HNRNPA1L2: variants seen among roughly 807,000 people sequenced by gnomAD.
The protein encoded by HNRNPA1L2 is heterogeneous nuclear ribonucleoprotein A1-like 2.
A neutral mutation model predicts 18.2 loss-of-function variants in HNRNPA1L2; 10 were observed. That is an observed-to-expected ratio of 0.55 (90% CI 0.34 to 0.93). The LOEUF (loss-of-function observed/expected upper bound fraction) is 0.93. HNRNPA1L2 is among the 40% of genes least tolerant of loss of function. The pLI is 0.02. For missense variants in HNRNPA1L2, 308 were observed against 394.4 expected (o/e 0.78, Z 1.85); for synonymous variants, 124 against 138.6 (o/e 0.89, Z 0.74).
At chr13:52,639,858 A>C (rs1190879827), upstream of HNRNPA1L2, among the ~76,000 whole-genome samples, 2 of 148,322 alleles carry the variant, frequency 1.3e-5, no homozygotes, top group Non-Finnish European at 3.0e-5. Flanking sequence ...CAACTATTTC[A>C]GAGTTAATGT....
the HNRNPA1L2 span, among the ~76,000 whole-genome samples, chr13:52,619,814 G>C: frequency 6.6e-6 from 1 of 151,502 alleles, no homozygotes; most frequent in African/African-American, 2.4e-5. Context: ...CCCGCTACTC[G>C]GGAGGGTGAG....
chr13:52,636,407 T>C, the HNRNPA1L2 span, among the ~76,000 whole-genome samples: 2 of 152,254 alleles, frequency 1.3e-5, no homozygotes, highest in Non-Finnish European at 2.9e-5. Context: ...CTGGTCGGAA[T>C]ATGGCTCATT....
chr13:52,621,949 A>G, the HNRNPA1L2 span: 1 of 154,090 alleles, frequency 6.5e-6, no homozygotes, highest in Non-Finnish European at 1.5e-5. Context: ...ATTAGCCTGC[A>G]TTGTATTTTT....
At chr13:52,629,517 A>G in the HNRNPA1L2 span, among the ~76,000 whole-genome samples, 862 of 152,268 alleles carry the variant, frequency 5.7e-3, 4 homozygotes, top group African/African-American at 0.02. Flanking sequence ...ACCACTTCCT[A>G]GAGAGGGAAC....
chr13:52,634,899 A>T, the HNRNPA1L2 span, among the ~76,000 whole-genome samples: 7 of 152,256 alleles, frequency 4.6e-5, no homozygotes, highest in African/African-American at 7.2e-5. Flanking sequence ...ATCTGAAAAA[A>T]GTGTGAGGCA....
At chr13:52,624,178 G>A in the HNRNPA1L2 span, among the ~76,000 whole-genome samples, 234 of 152,268 alleles carry the variant, frequency 1.5e-3, 2 homozygotes, top group African/African-American at 5.5e-3. Flanking sequence ...GCAGTGGCGC[G>A]GTCTTGGCTC....
chr13:52,639,694 C>CAAAAAAAAAAAAAAAAA (rs10661534), upstream of HNRNPA1L2, among the ~76,000 whole-genome samples: 3 of 73,544 alleles, frequency 4.1e-5, no homozygotes, highest in African/African-American at 1.0e-4. Context: ...GACCCTGTCT[C>CAAAAAAAAAAAAAAAAA]AAAAAAAAAA....
At chr13:52,640,794 C>T (rs596546), upstream of HNRNPA1L2, 1 of 152,252 alleles carries the variant, frequency 6.6e-6, no homozygotes, top group Non-Finnish European at 1.5e-5. Flanking sequence ...TTCATAGTAC[C>T]TTAGTTGGGG....
chr13:52,632,493 A>C, the HNRNPA1L2 span: 4 of 153,472 alleles, frequency 2.6e-5, no homozygotes, highest in Non-Finnish European at 5.9e-5. Flanking sequence ...GCACGTGAAC[A>C]GGTTTGTTAA....
the HNRNPA1L2 span, among the ~76,000 whole-genome samples, chr13:52,624,443 A>G: frequency 2.6e-5 from 4 of 152,202 alleles, no homozygotes; most frequent in East Asian, 5.8e-4. Context: ...CTAGCCTTGT[A>G]ATAAGATTGG....
chr13:52,625,002 G>GC, the HNRNPA1L2 span, among the ~76,000 whole-genome samples: 1 of 151,906 alleles, frequency 6.6e-6, no homozygotes, highest in Non-Finnish European at 1.5e-5. Context: ...GTGCACTCCA[G>GC]CATGGGCAAC....
At chr13:52,630,563 G>T in the HNRNPA1L2 span, among the ~76,000 whole-genome samples, 2 of 152,144 alleles carry the variant, frequency 1.3e-5, no homozygotes, top group African/African-American at 4.8e-5. Context: ...GAGCCACCAC[G>T]CCCGGCCTAA....
At chr13:52,635,578 ACACACACACACACACAC>A in the HNRNPA1L2 span, among the ~76,000 whole-genome samples, 1 of 3,774 alleles carries the variant, frequency 2.6e-4, no homozygotes, top group Non-Finnish European at 5.9e-4. Flanking sequence ...CTTTTGCAAC[ACACACACACACACACAC>A]ACACACACAC....
In HNRNPA1L2 at chr13:52,643,348, T is replaced by C. The variant is rs757595569; in HGVS notation, c.856T>C (p.Ser286Pro). The change falls in exon 1 of 1, where the codon TCT (serine) becomes CCT (proline). Residue 286 changes from serine to proline, a missense_variant. Ser to Pro is a moderately conservative substitution (Grantham distance 74). Coordinates refer to ENST00000357495, the MANE Select transcript of HNRNPA1L2 (RefSeq NM_001389320.1). ...MKGGNFGGRS[S>P]GPYGGGGQYF... ...GGGAGGAAATTTTGGAGGCAGAAGCTCTGGCCCCTATGGCGGTGGAGGCCA... is the reference window on the plus strand; with the variant it reads ...GGGAGGAAATTTTGGAGGCAGAAGCCCTGGCCCCTATGGCGGTGGAGGCCA... 6.3e-7 allele frequency: 1 copy of C among 1,598,168 alleles called. No homozygotes were observed. The highest frequency in any genetic ancestry group is 1.7e-5 in the Admixed American group (1 of 60,018).
the HNRNPA1L2 span, among the ~76,000 whole-genome samples, chr13:52,620,611 C>T: frequency 6.6e-6 from 1 of 152,132 alleles, no homozygotes; most frequent in African/African-American, 2.4e-5. Flanking sequence ...TAGCAAGGAG[C>T]ATAGATACTT....
chr13:52,629,819 G>T, the HNRNPA1L2 span, among the ~76,000 whole-genome samples: 1 of 152,230 alleles, frequency 6.6e-6, no homozygotes, highest in African/African-American at 2.4e-5. Flanking sequence ...GCTGGGCATG[G>T]TGGCTCACGC....
the HNRNPA1L2 span, among the ~76,000 whole-genome samples, chr13:52,628,719 TTC>T: frequency 0.029 from 4,368 of 152,328 alleles, 98 homozygotes; most frequent in Non-Finnish European, 0.04. Context: ...AATTGTAATG[TTC>T]TGTTATGTGA....
chr13:52,624,864 A>G, the HNRNPA1L2 span, among the ~76,000 whole-genome samples: 1 of 151,992 alleles, frequency 6.6e-6, no homozygotes, highest in Non-Finnish European at 1.5e-5. Flanking sequence ...CCCTGTGTCT[A>G]TCACAAAAAT....
At chr13:52,623,484 T>C in the HNRNPA1L2 span, among the ~76,000 whole-genome samples, 4 of 152,310 alleles carry the variant, frequency 2.6e-5, no homozygotes, top group East Asian at 7.7e-4. Flanking sequence ...GTATGTAAAA[T>C]ATATGCCTTA....
Sources: gnomAD v4.1 joint callset for allele counts (sites outside exome capture counted in the v4.1 genomes callset) on GRCh38, gnomAD v4.1.1 for gene constraint, MANE v1.5 for transcripts, NCBI Gene and HGNC (gene_info 2026-07-23, HGNC 2026-07-21) for gene names.